KLHL32: variants seen among roughly 807,000 people sequenced by gnomAD.
The protein encoded by KLHL32 is kelch like family member 32, also known as kelch-like protein 32.
KLHL32 carries 35 observed loss-of-function variants against 64.8 expected under a neutral mutation model. The observed-to-expected ratio is 0.54, with a 90% CI of 0.41 to 0.72. The LOEUF is 0.72. Ranked by LOEUF, KLHL32 falls within the 30% of genes least tolerant of loss-of-function variation. The pLI, the probability that KLHL32 is intolerant of heterozygous loss-of-function variation, is 0.00. For synonymous variants in KLHL32, 259 were observed against 281.0 expected, an observed-to-expected ratio of 0.92 and a Z score of 0.78; for missense variants, 589 against 768.5, an observed-to-expected ratio of 0.77 and a Z score of 2.76.
chr6:96,918,304 T>G, the KLHL32 span, among the ~76,000 whole-genome samples: 42 of 152,198 alleles, frequency 2.8e-4, no homozygotes, highest in African/African-American at 9.2e-4. Flanking sequence ...GGATGCTAGT[T>G]TCTGTTAATC....
intron 3 of KLHL32, among the ~76,000 whole-genome samples, chr6:96,978,762 C>T (rs1305448030): frequency 1.3e-5 from 2 of 152,220 alleles, no homozygotes; most frequent in African/African-American, 4.8e-5. Flanking sequence ...TTGCCACCAG[C>T]AGTGTATCAG....
intron 3 of KLHL32, among the ~76,000 whole-genome samples, chr6:97,007,071 T>C (rs767208106): frequency 2.0e-5 from 3 of 152,186 alleles, no homozygotes; most frequent in Non-Finnish European, 2.9e-5. Flanking sequence ...ATGAAAGATA[T>C]CTTTAAATAT....
At chr6:96,994,446 A>C in intron 3 of KLHL32, 4 of 955,908 alleles carry the variant, frequency 4.2e-6, no homozygotes, top group Non-Finnish European at 5.0e-6. Context: ...TGATATGTTC[A>C]AGTTAATTAA....
chr6:97,057,771 T>C (rs1026162535), intron 4 of KLHL32, among the ~76,000 whole-genome samples: 2 of 152,208 alleles, frequency 1.3e-5, no homozygotes, highest in African/African-American at 4.8e-5. Context: ...CAATTATGTC[T>C]TTCATGGACC....
intron 3 of KLHL32, among the ~76,000 whole-genome samples, chr6:96,986,305 G>T (rs1247493424): frequency 1.3e-5 from 2 of 152,168 alleles, no homozygotes; most frequent in Admixed American, 6.5e-5. Context: ...TCCCAGTTAG[G>T]CTACTCAGGG....
At chr6:96,943,316 G>A (rs1399932862) in intron 1 of KLHL32, among the ~76,000 whole-genome samples, 1 of 151,502 alleles carries the variant, frequency 6.6e-6, no homozygotes, top group Non-Finnish European at 1.5e-5. Context: ...TTAAAGGGTT[G>A]GTCTCTTGGT....
intron 4 of KLHL32, among the ~76,000 whole-genome samples, chr6:97,043,854 A>G (rs1025812523): frequency 1.3e-5 from 2 of 152,134 alleles, no homozygotes; most frequent in South Asian, 2.1e-4. Context: ...TCTTCTTTTG[A>G]GAAGTGTCTA....
intron 3 of KLHL32, among the ~76,000 whole-genome samples, chr6:96,992,944 C>T (rs1207548850): frequency 6.6e-6 from 1 of 152,226 alleles, no homozygotes; most frequent in African/African-American, 2.4e-5. Context: ...GATTCATGTG[C>T]ATTTCCTTCA....
intron 5 of KLHL32, among the ~76,000 whole-genome samples, chr6:97,080,596 G>A (rs915233204): frequency 6.6e-6 from 1 of 152,192 alleles, no homozygotes; most frequent in East Asian, 1.9e-4. Context: ...TACACAGGAA[G>A]AGGTGGTCAA....
intron 1 of KLHL32, among the ~76,000 whole-genome samples, chr6:96,925,446 G>T (rs908035504): frequency 6.6e-6 from 1 of 152,160 alleles, no homozygotes; most frequent in African/African-American, 2.4e-5. Context: ...AAGAAAAGCC[G>T]TAATTGCACT....
At chr6:96,959,470 A>G (rs1196139655) in intron 1 of KLHL32, among the ~76,000 whole-genome samples, 1 of 152,186 alleles carries the variant, frequency 6.6e-6, no homozygotes, top group Non-Finnish European at 1.5e-5. Context: ...TCTTTGGCTT[A>G]CAGTTGCTGC....
intron 3 of KLHL32, among the ~76,000 whole-genome samples, chr6:97,018,474 T>C (rs892146465): frequency 6.7e-6 from 1 of 149,492 alleles, no homozygotes; most frequent in Non-Finnish European, 1.5e-5. Context: ...ACTCCTGTGA[T>C]CCCAGCTGCT....
intron 1 of KLHL32, among the ~76,000 whole-genome samples, chr6:96,958,142 A>G (rs1162209330): frequency 6.6e-6 from 1 of 152,232 alleles, no homozygotes; most frequent in Non-Finnish European, 1.5e-5. Context: ...CACTGGGACA[A>G]TATGCAAAAC....
chr6:97,065,332 T>G (rs1399378834), intron 5 of KLHL32, among the ~76,000 whole-genome samples: 1 of 152,218 alleles, frequency 6.6e-6, no homozygotes, highest in Non-Finnish European at 1.5e-5. Flanking sequence ...GTCCTCACAA[T>G]AACTTTGCCC....
Position 96,951,586 on chromosome 6 carries a change from T to C in KLHL32, c.-65-15410T>C, listed in dbSNP as rs73492895. On this transcript the variant is annotated intron_variant, in intron 1 of 10. Transcript: ENST00000369261. ...CACTACCATCATCTTACCATCATCA[T>C]CAAGACAATATTAATTGCTCACTAT... is the stretch of plus-strand genomic sequence containing the variant. Among the ~76,000 whole-genome samples, 723 of 152,236 alleles carry C rather than the reference T, an allele frequency of 4.7e-3. 7 individuals carry two copies. Among genetic ancestry groups the C allele is most frequent in the African/African-American group, 0.017 (696 of 41,546 alleles).
At chr6:97,049,930 C>A (rs1246879431) in intron 4 of KLHL32, among the ~76,000 whole-genome samples, 1 of 152,166 alleles carries the variant, frequency 6.6e-6, no homozygotes, top group Non-Finnish European at 1.5e-5. Flanking sequence ...GATTCACAGT[C>A]AGGTCATGTA....
intron 6 of KLHL32, among the ~76,000 whole-genome samples, chr6:97,088,475 G>C (rs1439364023): frequency 6.6e-6 from 1 of 152,134 alleles, no homozygotes; most frequent in African/African-American, 2.4e-5. Context: ...AATATCTTCT[G>C]TTAGATTTTG....
intron 1 of KLHL32, among the ~76,000 whole-genome samples, 197 bp downstream of exon 1, chr6:96,925,223 C>G (rs184929052): frequency 1.3e-5 from 2 of 152,190 alleles, no homozygotes; most frequent in African/African-American, 4.8e-5. Flanking sequence ...GTCGCTCCCC[C>G]TTTCTTCCCT....
chr6:97,092,745 A>G (rs1448084765), intron 6 of KLHL32, among the ~76,000 whole-genome samples: 2 of 152,150 alleles, frequency 1.3e-5, no homozygotes, highest in Non-Finnish European at 2.9e-5. Flanking sequence ...TGCATCCCAC[A>G]GTAGCTTGAC....
Sources: allele counts gnomAD v4.1 joint callset (sites outside exome capture counted in the v4.1 genomes callset), GRCh38; gene constraint gnomAD v4.1.1; transcripts MANE v1.5; gene names NCBI Gene and HGNC (gene_info 2026-07-23, HGNC 2026-07-21).